The following CACNA1A variants were observed in gnomAD, a reference collection of about 807,000 sequenced individuals.
CACNA1A encodes the protein calcium voltage-gated channel subunit alpha1 A.
CACNA1A carries 57 observed loss-of-function variants against 262.4 expected under a neutral mutation model. The ratio of observed to expected loss-of-function variants is 0.22; its 90% CI spans 0.18 to 0.27. The LOEUF (loss-of-function observed/expected upper bound fraction) is 0.27, where lower values mean the gene tolerates loss of function less well. Among genes scored for constraint, CACNA1A ranks in the 10% least tolerant of loss-of-function variants. The pLI is 1.00. For synonymous variants in CACNA1A, 1,431 were observed against 1,419.3 expected, an observed-to-expected ratio of 1.01 and a Z score of -0.18; for missense variants, 2,526 against 3,562.8, an observed-to-expected ratio of 0.71 and a Z score of 7.41.
intron 3 of CACNA1A, among the ~76,000 whole-genome samples, chr19:13,375,237 G>A (rs781564619): frequency 2.0e-5 from 3 of 152,022 alleles, no homozygotes; most frequent in African/African-American, 7.2e-5. Context: ...GGGGTGCCAC[G>A]AACCACATCC....
intron 24 of CACNA1A, chr19:13,271,820 G>C (rs2144814539): frequency 6.7e-6 from 1 of 149,148 alleles, no homozygotes; most frequent in Admixed American, 6.7e-5. Flanking sequence ...CTGGAGTGCA[G>C]TGGTGCAATC....
At chr19:13,420,433 T>A (rs1310975324) in intron 3 of CACNA1A, among the ~76,000 whole-genome samples, 1 of 152,112 alleles carries the variant, frequency 6.6e-6, no homozygotes, top group Non-Finnish European at 1.5e-5. Flanking sequence ...GGTGAGATCA[T>A]CCTGGATTTA....
At chr19:13,411,785 C>T (rs1221751985) in intron 3 of CACNA1A, among the ~76,000 whole-genome samples, 1 of 152,076 alleles carries the variant, frequency 6.6e-6, no homozygotes, top group Non-Finnish European at 1.5e-5. Context: ...AACTACAGCT[C>T]ACTACAGCCT....
At chr19:13,498,525 C>T (rs1248948548) in intron 1 of CACNA1A, among the ~76,000 whole-genome samples, 1 of 152,016 alleles carries the variant, frequency 6.6e-6, no homozygotes, top group Admixed American at 6.6e-5. Context: ...CTGCAGGTGC[C>T]GCCTGAGCAA....
In CACNA1A at chr19:13,298,992, T is replaced by G. The variant is rs1361559490; in HGVS notation, c.2641A>C (p.Arg881=). Residue 881 remains arginine, a synonymous_variant, in exon 19 of 47, where the codon AGG becomes CGG. Coordinates refer to ENST00000360228, the MANE Select transcript of CACNA1A (RefSeq NM_001127222.2). ...GCCTCCTGGCTTCCCGCCCAGGGCCTCCGTGCGTCCAGGCCCGCCGAGCCG... is the reference window on the plus strand; with the variant it reads ...GCCTCCTGGCTTCCCGCCCAGGGCCGCCGTGCGTCCAGGCCCGCCGAGCCG... ...PSGSAGLDAR[R]PWAGSQEAEL... is the part of the protein sequence containing the mutation. 1.9e-6 allele frequency: 3 copies of G among 1,578,812 alleles called. No individual in the cohort carries two copies. The highest frequency in any genetic ancestry group is 2.6e-6 in the Non-Finnish European group (3 of 1,169,968).
chr19:13,282,051 G>A (rs10424916), intron 22 of CACNA1A, among the ~76,000 whole-genome samples: 15,429 of 152,252 alleles, frequency 0.1, 1,111 homozygotes, highest in African/African-American at 0.21. Flanking sequence ...GGGGAAACCA[G>A]GCTGCGGGAA....
At chr19:13,415,221 G>A (rs901050421) in intron 3 of CACNA1A, among the ~76,000 whole-genome samples, 1 of 152,006 alleles carries the variant, frequency 6.6e-6, no homozygotes, top group Admixed American at 6.6e-5. Context: ...AGAGAAGGCG[G>A]GTGTGTGTGC....
chr19:13,210,553 AGG>A, intron 44 of CACNA1A, 62 bp downstream of exon 44: 1 of 1,145,102 alleles, frequency 8.7e-7, no homozygotes. Flanking sequence ...GACTCCCTGG[AGG>A]GGGGGTGGGG....
chr19:13,503,793 T>C (rs1369266088), intron 1 of CACNA1A, among the ~76,000 whole-genome samples: 1 of 152,050 alleles, frequency 6.6e-6, no homozygotes, highest in Non-Finnish European at 1.5e-5. Flanking sequence ...AAAAACAGTC[T>C]GCAGAGAGCA....
At chr19:13,434,942 A>G (rs1436663782) in intron 3 of CACNA1A, among the ~76,000 whole-genome samples, 1 of 151,704 alleles carries the variant, frequency 6.6e-6, no homozygotes, top group African/African-American at 2.4e-5. Context: ...GGCGCGTGCC[A>G]CCACACCTGG....
intron 3 of CACNA1A, among the ~76,000 whole-genome samples, chr19:13,382,316 G>T (rs2059537407): frequency 6.6e-6 from 1 of 152,140 alleles, no homozygotes; most frequent in Admixed American, 6.6e-5. Flanking sequence ...TTCTCATTGT[G>T]TGACCTTTCC....
chr19:13,289,730 G>A (rs535283476), intron 19 of CACNA1A, among the ~76,000 whole-genome samples: 30 of 152,150 alleles, frequency 2.0e-4, no homozygotes, highest in Admixed American at 3.9e-4. Flanking sequence ...CTCAGGCCTT[G>A]AAACCTAATG....
At position 13,214,430 on chromosome 19, in the gene CACNA1A, C is replaced by T; in HGVS notation, c.5839+71G>A. 4 of 1,542,790 alleles carry T rather than the reference C, an allele frequency of 2.6e-6. No homozygotes were observed. The highest frequency in any genetic ancestry group is 3.6e-6 in the Non-Finnish European group (4 of 1,120,640). On this transcript the variant is annotated intron_variant, in intron 39 of 46. Coordinates refer to ENST00000360228, the MANE Select transcript of CACNA1A (RefSeq NM_001127222.2). This position sits in a 1 kb window ranked among gnomAD's most constrained non-coding sequence, Gnocchi z 4.1. ...TACCAGCCCAGGCCAACACTCTCCC[C>T]AGGCCTCCCCTTTCCCTCCCCCTCC...
intron 17 of CACNA1A, among the ~76,000 whole-genome samples, chr19:13,302,869 A>G (rs532579802): frequency 6.6e-6 from 1 of 152,290 alleles, no homozygotes; most frequent in South Asian, 2.1e-4. Flanking sequence ...GTTCAATTTC[A>G]CAAACATGTC....
rs76571265 is a variant in CACNA1A at position 13,280,636 on chromosome 19, C to T, written c.3822+2631G>A. 1.6e-4 allele frequency among the ~76,000 whole-genome samples: 24 copies of T among 152,210 alleles called. No homozygotes were observed. In the East Asian group the frequency reaches 4.7e-3, roughly 30 times the overall value. ...CCATGCCACACAGTAAATCTCAAAACAGCATCATAAAGAATGCTCATTGAC... is the reference window on the plus strand; with the variant it reads ...CCATGCCACACAGTAAATCTCAAAATAGCATCATAAAGAATGCTCATTGAC... On this transcript the variant is annotated intron_variant, in intron 22 of 46. Coordinates refer to ENST00000360228, the MANE Select transcript of CACNA1A (RefSeq NM_001127222.2).
intron 3 of CACNA1A, among the ~76,000 whole-genome samples, chr19:13,393,560 C>T (rs1430050035): frequency 8.4e-6 from 1 of 119,602 alleles, no homozygotes; most frequent in Non-Finnish European, 1.7e-5. Context: ...CTGTTCCCTC[C>T]CTCCCCCCCT....
intron 30 of CACNA1A, among the ~76,000 whole-genome samples, chr19:13,247,667 T>A (rs2056279788): frequency 6.6e-6 from 1 of 151,526 alleles, no homozygotes; most frequent in Non-Finnish European, 1.5e-5. Flanking sequence ...ACCACTGCAC[T>A]CCAGCCTGGG....
chr19:13,219,714 G>A (rs2055149221), intron 38 of CACNA1A, among the ~76,000 whole-genome samples: 1 of 152,094 alleles, frequency 6.6e-6, no homozygotes, highest in Admixed American at 6.6e-5. Flanking sequence ...CAGCACTTTG[G>A]GAGGCCGAGG....
intron 1 of CACNA1A, among the ~76,000 whole-genome samples, chr19:13,491,443 T>C (rs1255738871): frequency 6.6e-6 from 1 of 152,048 alleles, no homozygotes; most frequent in Non-Finnish European, 1.5e-5. Context: ...TCCTGGGACA[T>C]GGTGCTTCCT....
Sources: allele counts gnomAD v4.1 joint callset (sites outside exome capture counted in the v4.1 genomes callset), GRCh38; gene constraint gnomAD v4.1.1; non-coding constraint Gnocchi (gnomAD v3.1); transcripts MANE v1.5; gene names NCBI Gene and HGNC (gene_info 2026-07-23, HGNC 2026-07-21).